GIGYF2: variants seen among roughly 807,000 people sequenced by gnomAD.
GIGYF2 encodes GRB10-interacting GYF protein 2.
In GIGYF2, 25 loss-of-function variants were observed where a neutral mutation model predicts 208.1. The ratio of observed to expected loss-of-function variants is 0.12; its 90% confidence interval spans 0.09 to 0.17. The LOEUF is 0.17. Among genes scored for constraint, GIGYF2 ranks in the 10% least tolerant of loss-of-function variants. The pLI, the probability that GIGYF2 is intolerant of heterozygous loss-of-function variation, is 1.00. For synonymous variants in GIGYF2, 534 were observed against 543.8 expected, an observed-to-expected ratio of 0.98 and a Z score of 0.25; for missense variants, 1,302 against 1,579.4, an observed-to-expected ratio of 0.82 and a Z score of 2.98.
chr2:232,816,513 G>C (rs1700915670), intron 19 of GIGYF2, among the ~76,000 whole-genome samples: 1 of 152,138 alleles, frequency 6.6e-6, no homozygotes, highest in Non-Finnish European at 1.5e-5. Context: ...TACTCTCATG[G>C]GTGGTATAAT....
intron 2 of GIGYF2, among the ~76,000 whole-genome samples, chr2:232,732,978 G>A (rs1054782773): frequency 1.2e-4 from 18 of 151,624 alleles, no homozygotes; most frequent in Admixed American, 5.3e-4. Flanking sequence ...GAGGAGGGGC[G>A]GGGCGCAGTG....
At chr2:232,797,284 A>G (rs10933410) in intron 14 of GIGYF2, among the ~76,000 whole-genome samples, 8,051 of 152,114 alleles carry the variant, frequency 0.053, 308 homozygotes, top group Non-Finnish European at 0.078. Context: ...TTACCCTGAA[A>G]TTGGTTGGTC....
chr2:232,713,437 G>T (rs2106260205), intron 2 of GIGYF2, among the ~76,000 whole-genome samples: 1 of 152,238 alleles, frequency 6.6e-6, no homozygotes, highest in Admixed American at 6.5e-5. Context: ...TACAACAATT[G>T]TAGATTTACA....
chr2:232,832,883 G>GGAA lies in GIGYF2; in HGVS notation c.2567_2569dup (p.Glu856dup), dbSNP rs748145019. On this transcript the variant is annotated inframe_insertion, in exon 22 of 29. Transcript: ENST00000373563. ...AAGAGGAGGCTGCAAAATGGGCCCGGGAAGAAGAAGAAGCCCAGCGTCGAT... is the reference window on the plus strand; with the variant it reads ...AAGAGGAGGCTGCAAAATGGGCCCGGGAAGAAGAAGAAGAAGCCCAGCGTCGAT... 3 of 1,557,638 alleles carry GGAA rather than the reference G, an allele frequency of 1.9e-6. No homozygotes were observed. Among genetic ancestry groups the GGAA allele is most frequent in the African/African-American group, 1.4e-5 (1 of 73,344 alleles).
chr2:232,701,286 A>G lies in GIGYF2; in HGVS notation c.-109-2138A>G, dbSNP rs375739184. On this transcript the variant is annotated intron_variant, in intron 1 of 28. Coordinates refer to ENST00000373563, the MANE Select transcript of GIGYF2 (RefSeq NM_001103146.3). Reference sequence around the variant, plus strand: ...TAATTATTATTATTATTTGAGATGGAATCTCACTGTGTTGCTCAGGCTACA... The same window carrying G: ...TAATTATTATTATTATTTGAGATGGGATCTCACTGTGTTGCTCAGGCTACA... Among the ~76,000 whole-genome samples the G allele has an allele frequency of 1.6e-4, 24 of 151,822 alleles. 1 individual carries two copies. The highest frequency in any genetic ancestry group is 5.8e-4 in the African/African-American group (24 of 41,492).
intron 2 of GIGYF2, among the ~76,000 whole-genome samples, chr2:232,728,354 T>C (rs912332755): frequency 1.4e-4 from 22 of 152,184 alleles, no homozygotes; most frequent in Admixed American, 5.9e-4. Context: ...AAAATTGATC[T>C]TGAGGCCCAG....
At chr2:232,711,497 CAT>C (rs1696399234) in intron 2 of GIGYF2, among the ~76,000 whole-genome samples, 1 of 151,412 alleles carries the variant, frequency 6.6e-6, no homozygotes, top group African/African-American at 2.4e-5. Flanking sequence ...TACATGCTAA[CAT>C]AAATATATTT....
intron 5 of GIGYF2, among the ~76,000 whole-genome samples, chr2:232,749,890 G>A (rs1157162227): frequency 6.6e-6 from 1 of 151,882 alleles, no homozygotes; most frequent in Admixed American, 6.6e-5. Flanking sequence ...AATTTTGAAC[G>A]ACAAAAATGT....
At chr2:232,701,499 C>T (rs557127126) in intron 1 of GIGYF2, among the ~76,000 whole-genome samples, 10 of 150,458 alleles carry the variant, frequency 6.6e-5, no homozygotes, top group Non-Finnish European at 1.0e-4. Flanking sequence ...GTGCAATCAC[C>T]ACTGACTGTA....
At chr2:232,846,275 C>G (rs1294932980) in intron 26 of GIGYF2, among the ~76,000 whole-genome samples, 1 of 152,100 alleles carries the variant, frequency 6.6e-6, no homozygotes, top group Non-Finnish European at 1.5e-5. Flanking sequence ...GACATCATTC[C>G]CTTTCTACCT....
intron 27 of GIGYF2, among the ~76,000 whole-genome samples, chr2:232,848,277 T>G (rs1360777551): frequency 6.6e-6 from 1 of 152,202 alleles, no homozygotes; most frequent in East Asian, 1.9e-4. Flanking sequence ...ATTTTCTTCC[T>G]AAGGCACCTC....
At chr2:232,841,201 A>T (rs1559163632) in intron 23 of GIGYF2, among the ~76,000 whole-genome samples, 1 of 152,200 alleles carries the variant, frequency 6.6e-6, no homozygotes, top group Non-Finnish European at 1.5e-5. Flanking sequence ...TTTGGTCCCT[A>T]CTGAATGAGA....
intron 14 of GIGYF2, among the ~76,000 whole-genome samples, chr2:232,799,179 A>T (rs1700314995): frequency 6.6e-6 from 1 of 151,992 alleles, no homozygotes; most frequent in Non-Finnish European, 1.5e-5. Flanking sequence ...TAGGTGTATA[A>T]CACATTTTGC....
chr2:232,834,504 A>G lies in GIGYF2; in HGVS notation c.2766+1411A>G, dbSNP rs1043199219. On this transcript the variant is annotated intron_variant, in intron 22 of 28. Transcript: ENST00000373563. The stretch of plus-strand genomic sequence containing the variant: ...GAGTCTGGCTTTCAGCATTTTTACT[A>G]TGACGTGTCTGTTTGTGGATCTCCT... Among the ~76,000 whole-genome samples the G allele has an allele frequency of 2.0e-5, 3 of 152,330 alleles. No individual in the cohort carries two copies. In the South Asian group the frequency reaches 6.2e-4, roughly 32 times the overall value.
intron 23 of GIGYF2, chr2:232,843,181 G>GTGTGTGTA (rs1553538114): frequency 3.4e-5 from 5 of 146,390 alleles, no homozygotes; most frequent in African/African-American, 1.3e-4. Context: ...GTGTGTGTGT[G>GTGTGTGTA]TATAATCTGT....
intron 1 of GIGYF2, among the ~76,000 whole-genome samples, chr2:232,699,301 T>C (rs1439117679): frequency 2.6e-5 from 4 of 152,208 alleles, no homozygotes; most frequent in Admixed American, 2.6e-4. Flanking sequence ...GGGAAAAGCA[T>C]GGAGGCTAGC....
At chr2:232,732,705 A>G (rs763241168) in intron 2 of GIGYF2, among the ~76,000 whole-genome samples, 52 of 151,528 alleles carry the variant, frequency 3.4e-4, no homozygotes, top group Admixed American at 1.3e-3. Context: ...CAGTGGTGCA[A>G]TCACGACTCA....
At chr2:232,766,936 CT>C (rs1215639637) in intron 8 of GIGYF2, 1 of 151,942 alleles carries the variant, frequency 6.6e-6, no homozygotes, top group East Asian at 1.9e-4. Flanking sequence ...GATAGGGTGA[CT>C]TTTTTGGTTT....
chr2:232,812,606 A>G, intron 18 of GIGYF2, 115 bp downstream of exon 18: 3 of 659,518 alleles, frequency 4.5e-6, no homozygotes, highest in Non-Finnish European at 8.2e-6. Flanking sequence ...TGTATTTGAT[A>G]TTAACAAAAG....
Sources: allele counts gnomAD v4.1 joint callset (sites outside exome capture counted in the v4.1 genomes callset), GRCh38; gene constraint gnomAD v4.1.1; transcripts MANE v1.5; gene names NCBI Gene and HGNC (gene_info 2026-07-23, HGNC 2026-07-21).